Variants in CAPN15 observed in about 807,000 individuals in gnomAD.
CAPN15 encodes the protein calpain-15.
A neutral mutation model predicts 97.9 loss-of-function variants in CAPN15; 53 were observed. That is an observed-to-expected ratio of 0.54 (90% confidence interval 0.43 to 0.68). The LOEUF (loss-of-function observed/expected upper bound fraction) is 0.68. Ranked by LOEUF, CAPN15 falls within the 30% of genes least tolerant of loss-of-function variation. The pLI, the probability that CAPN15 is intolerant of heterozygous loss-of-function variation, is 0.00. For missense variants in CAPN15, 1,592 were observed against 1,589.8 expected (o/e 1.00, Z -0.02); for synonymous variants, 922 against 722.5 (o/e 1.28, Z -4.43).
intron 2 of CAPN15, 117 bp downstream of exon 2, chr16:534,115 T>C: frequency 4.7e-6 from 1 of 212,530 alleles, no homozygotes; most frequent in Non-Finnish European, 5.4e-6. Context: ...AGCCCTTGAT[T>C]CACAGAACCC....
Position 547,020 on chromosome 16 carries a change from A to G in CAPN15, c.182A>G (p.Lys61Arg), listed in dbSNP as rs749327424. The G allele has an allele frequency of 1.9e-5, 31 of 1,610,100 alleles. No individual in the cohort carries two copies. Among genetic ancestry groups the G allele is most frequent in the Non-Finnish European group, 2.4e-5 (28 of 1,179,768 alleles). ...TGCACCTTCCGCAACTTCCTGGGCAAGGAGGCCTGCGAGGTGTGCGGCTTC... is the reference window on the plus strand; with the variant it reads ...TGCACCTTCCGCAACTTCCTGGGCAGGGAGGCCTGCGAGGTGTGCGGCTTC... ...ARCTFRNFLG[K>R]EACEVCGFTP... The change falls in exon 4 of 14, where the codon AAG becomes AGG. Residue 61 changes from lysine to arginine, a missense_variant. Physicochemically the swap from Lys to Arg is conservative, Grantham distance 26. Around this residue, in one of 3 missense-constraint regions of CAPN15, gnomAD observed 883 missense variants for 776.6 expected, o/e 1.14. Transcript: ENST00000219611.
At position 545,795 on chromosome 16, in the gene CAPN15, G is replaced by A. The variant is rs941085992; in HGVS notation, c.-22-1022G>A. Among the ~76,000 whole-genome samples the A allele has an allele frequency of 3.3e-5, 5 of 152,318 alleles. No homozygotes were observed. In the East Asian group the frequency reaches 7.7e-4, roughly 24 times the overall value. On this transcript the variant is annotated intron_variant, in intron 3 of 13. Transcript: ENST00000219611. ...TGCAGAGTCTGTGAAGGCACCTCCC[G>A]GAGTGGGGGCTGCAAAGATCATGGC...
At chr16:530,655 C>G (rs1458385608) in intron 1 of CAPN15, among the ~76,000 whole-genome samples, 2 of 152,156 alleles carry the variant, frequency 1.3e-5, no homozygotes, top group African/African-American at 4.8e-5. Context: ...AGGGAGGTGT[C>G]TGGGCGTGGA....
rs1387539521 is a variant in CAPN15 at position 548,202 on chromosome 16, A to G, written c.1364A>G (p.Glu455Gly). 1 of 1,546,036 alleles carries G rather than the reference A, an allele frequency of 6.5e-7. No homozygotes were observed. Among genetic ancestry groups the G allele is most frequent in the East Asian group, 2.4e-5 (1 of 41,246 alleles). ...GGGGCCGCGCCCCTGAGGCGCAGGG[A>G]GAGCATGCACGTGGAGCAGCGGCGG... is the stretch of plus-strand genomic sequence containing the variant. ...RRGAAPLRRR[E>G]SMHVEQRRQT... Residue 455 changes from glutamate to glycine, a missense_variant, in exon 4 of 14, where the codon GAG becomes GGG. By Grantham distance (98) the Glu-to-Gly change is moderately conservative (BLOSUM62 -2). Transcript: ENST00000219611.
At chr16:545,486 C>T (rs979753047) in intron 3 of CAPN15, among the ~76,000 whole-genome samples, 4 of 152,364 alleles carry the variant, frequency 2.6e-5, no homozygotes, top group East Asian at 1.9e-4. Flanking sequence ...ACCCGTGTCC[C>T]GGGGCCACGT....
At chr16:538,552 T>C (rs1479436175) in intron 3 of CAPN15, 1 of 152,136 alleles carries the variant, frequency 6.6e-6, no homozygotes, top group African/African-American at 2.4e-5. Context: ...AGTGAAGTGG[T>C]TCAGGCGAAC....
chr16:540,145 A>C, intron 3 of CAPN15: 1 of 985,282 alleles, frequency 1.0e-6, no homozygotes, highest in Non-Finnish European at 1.2e-6. Flanking sequence ...TGCTGGCCAG[A>C]GGTGACCAGG....
chr16:553,125 C>G (rs1430386530), intron 13 of CAPN15, 84 bp downstream of exon 13: 1 of 637,414 alleles, frequency 1.6e-6, no homozygotes, highest in Non-Finnish European at 2.5e-6. Flanking sequence ...TCGTGCCCCC[C>G]CACCCCTGCA....
intron 3 of CAPN15, chr16:543,477 G>A (rs76923133): frequency 0.012 from 1,789 of 152,702 alleles, 29 homozygotes; most frequent in Middle Eastern, 0.033. Flanking sequence ...GGGTCAGGCC[G>A]TGGTGTATGA....
In CAPN15 at chr16:551,284, G is replaced by T. The variant is rs1236528534; in HGVS notation, c.2067-18G>T. 1.3e-6 allele frequency: 2 copies of T among 1,578,072 alleles called. No individual in the cohort carries two copies. On this transcript the variant is annotated intron_variant, in intron 7 of 13. Coordinates refer to ENST00000219611, the MANE Select transcript of CAPN15 (RefSeq NM_005632.3). ...GTCGGTGAGGGTCCCGGTCGGTGAG[G>T]GCCGCTCTGCCACACAGGTTCCTCA...
At chr16:529,558 C>T (rs2033098290) in intron 1 of CAPN15, among the ~76,000 whole-genome samples, 1 of 152,244 alleles carries the variant, frequency 6.6e-6, no homozygotes, top group Admixed American at 6.5e-5. Flanking sequence ...AAGGATTCTG[C>T]TGCCCGGAAA....
intron 7 of CAPN15, among the ~76,000 whole-genome samples, chr16:550,945 CT>C (rs2034994246): frequency 2.6e-5 from 3 of 113,934 alleles, no homozygotes; most frequent in Non-Finnish European, 5.0e-5. Flanking sequence ...TGAGGGTCCC[CT>C]GTCTGTGAGG....
intron 7 of CAPN15, 86 bp downstream of exon 7, chr16:549,924 AC>A: frequency 8.6e-7 from 1 of 1,158,534 alleles, no homozygotes; most frequent in Non-Finnish European, 1.2e-6. Context: ...GTGGCCCCTG[AC>A]CCAGTTCTGC....
intron 1 of CAPN15, among the ~76,000 whole-genome samples, chr16:532,668 C>T (rs112427909): frequency 0.084 from 12,589 of 149,654 alleles, 584 homozygotes; most frequent in Middle Eastern, 0.13. Context: ...CTGGCTAACA[C>T]GGTGAAACTC....
chr16:530,699 G>A (rs911713094), intron 1 of CAPN15, among the ~76,000 whole-genome samples: 11 of 152,216 alleles, frequency 7.2e-5, no homozygotes, highest in African/African-American at 2.7e-4. Flanking sequence ...CACTAGGACA[G>A]GGGCTGCTGC....
chr16:536,704 G>A (rs545137308), intron 3 of CAPN15, among the ~76,000 whole-genome samples: 21 of 152,186 alleles, frequency 1.4e-4, no homozygotes, highest in East Asian at 5.8e-4. Context: ...GATTACAGGC[G>A]TGAGCCACTG....
chr16:549,594 C>T (rs1307684172), intron 6 of CAPN15, 21 bp from the exon 7 acceptor site: 2 of 1,524,468 alleles, frequency 1.3e-6, no homozygotes, highest in East Asian at 2.5e-5. Flanking sequence ...CGGGGGTGGC[C>T]TCTGACCCGG....
At position 535,732 on chromosome 16, in the gene CAPN15, G is replaced by A. The variant is rs975877078; in HGVS notation, c.-136-297G>A. Among the ~76,000 whole-genome samples the A allele has an allele frequency of 2.0e-5, 3 of 152,078 alleles. No individual in the cohort carries two copies. Among genetic ancestry groups the A allele is most frequent in the Non-Finnish European group, 2.9e-5 (2 of 67,996 alleles). Reference sequence around the variant, plus strand: ...GAGTCACGGCCACTCTTGAGGCGCCGCCCTGAGAGTCAGCCCTGTGGTCAC... The same window carrying A: ...GAGTCACGGCCACTCTTGAGGCGCCACCCTGAGAGTCAGCCCTGTGGTCAC... On this transcript the variant is annotated intron_variant, in intron 2 of 13. Coordinates refer to ENST00000219611, the MANE Select transcript of CAPN15 (RefSeq NM_005632.3). This position sits in a 1 kb window ranked among gnomAD's most constrained non-coding sequence, Gnocchi z 6.2.
rs765154014 is a variant in CAPN15 at position 553,495 on chromosome 16, G to C, written c.3240G>C (p.Leu1080=). ...SPPLTPEVAG[L]HGPRPL Reference sequence around the variant, plus strand: ...CACTCACGCCAGAGGTCGCCGGTCTGCATGGGCCCCGACCGCTGTGACCAC... The same window carrying C: ...CACTCACGCCAGAGGTCGCCGGTCTCCATGGGCCCCGACCGCTGTGACCAC... Residue 1080 remains leucine (L), a synonymous_variant, in exon 14 of 14, where the codon CTG becomes CTC. Transcript: ENST00000219611. 127 of 1,609,324 alleles carry C rather than the reference G, an allele frequency of 7.9e-5. No individual in the cohort carries two copies. Among genetic ancestry groups the C allele is most frequent in the Non-Finnish European group, 1.1e-4 (126 of 1,178,156 alleles).
Sources: allele counts gnomAD v4.1 joint callset (sites outside exome capture counted in the v4.1 genomes callset), GRCh38; gene constraint gnomAD v4.1.1; regional missense constraint gnomAD v4.1.1; non-coding constraint Gnocchi (gnomAD v3.1); transcripts MANE v1.5; gene names NCBI Gene and HGNC (gene_info 2026-07-23, HGNC 2026-07-21).